The following SMC6 variants were observed in gnomAD, a reference collection of about 807,000 sequenced individuals.
SMC6 encodes structural maintenance of chromosomes protein 6.
A neutral mutation model predicts 142.2 loss-of-function variants in SMC6; 79 were observed. The observed-to-expected ratio is 0.56, with a 90% CI of 0.46 to 0.67. SMC6 has a LOEUF of 0.67. Among genes scored for constraint, SMC6 ranks in the 30% least tolerant of loss-of-function variants. SMC6 has a pLI of 0.00. For synonymous variants in SMC6, 411 were observed against 412.4 expected (o/e 1.00, Z 0.04); for missense variants, 1,072 against 1,284.0 (o/e 0.83, Z 2.52).
At chr2:17,696,883 C>G (rs1251806435) in intron 21 of SMC6, among the ~76,000 whole-genome samples, 1 of 151,880 alleles carries the variant, frequency 6.6e-6, no homozygotes, top group Non-Finnish European at 1.5e-5. Flanking sequence ...AGAAGCTATC[C>G]CAAGATCACT....
At position 17,716,656 on chromosome 2, in the gene SMC6, C is replaced by T. The variant is rs994684199; in HGVS notation, c.1346+85G>A. The T allele has an allele frequency of 6.2e-6, 8 of 1,289,542 alleles. No individual in the cohort carries two copies. The African/African-American group carries it at 7.5e-5, about 12-fold the overall frequency. The allele number at this position is 1,289,542 out of a possible 1,614,324, so 79.9% of individuals were successfully genotyped here. A position where few individuals can be genotyped will look rare whatever the true frequency, so the allele number is the denominator to read the frequency against. The stretch of plus-strand genomic sequence containing the variant: ...ATCCCTTATTATGTAGAAGAAACAA[C>T]CATATTTGCTCTCTTCATACAAGAA... On this transcript the variant is annotated intron_variant, in intron 14 of 27. Coordinates refer to ENST00000448223, the MANE Select transcript of SMC6 (RefSeq NM_001142286.2).
At chr2:17,687,726 T>A (rs1047096505) in intron 23 of SMC6, among the ~76,000 whole-genome samples, 15 of 152,276 alleles carry the variant, frequency 9.9e-5, no homozygotes, top group African/African-American at 3.4e-4. Context: ...TGTGAAACCA[T>A]GTTAATTTCT....
Position 17,745,943 on chromosome 2 carries a change from C to T in SMC6, c.4G>A (p.Ala2Thr). Reference protein sequence around the residue: MAKRKEENFSSP... With the variant: MTKRKEENFSSP... ...GAAAAATTTTCTTCCTTTCTTTTGG[C>T]CATCAGGTCTGAACAAATATTTATA... is the stretch of plus-strand genomic sequence containing the variant. Residue 2 changes from alanine (A) to threonine (T), a missense_variant, in exon 3 of 28, where the codon GCC (alanine) becomes ACC (threonine). By Grantham distance (58) the Ala-to-Thr change is moderately conservative (BLOSUM62 0). Coordinates refer to ENST00000448223, the MANE Select transcript of SMC6 (RefSeq NM_001142286.2). 1.2e-6 allele frequency: 2 copies of T among 1,603,602 alleles called. No individual in the cohort carries two copies. Among genetic ancestry groups the T allele is most frequent in the Non-Finnish European group, 8.5e-7 (1 of 1,174,754 alleles).
intron 2 of SMC6, among the ~76,000 whole-genome samples, chr2:17,749,277 T>C (rs1670901148): frequency 6.6e-6 from 1 of 152,226 alleles, no homozygotes; most frequent in Non-Finnish European, 1.5e-5. Context: ...GTCATAGTTT[T>C]TAATATTTCT....
At chr2:17,698,980 T>G (rs931534703) in intron 21 of SMC6, among the ~76,000 whole-genome samples, 4 of 152,136 alleles carry the variant, frequency 2.6e-5, no homozygotes, top group Non-Finnish European at 5.9e-5. Flanking sequence ...TTCCCCATTT[T>G]AAATATAATG....
At chr2:17,733,918 C>A (rs997400419) in intron 5 of SMC6, among the ~76,000 whole-genome samples, 5 of 152,186 alleles carry the variant, frequency 3.3e-5, no homozygotes, top group Non-Finnish European at 4.4e-5. Flanking sequence ...CAAAGACACA[C>A]AGCAACAAAG....
chr2:17,668,383 T>A (rs555661136), intron 26 of SMC6, among the ~76,000 whole-genome samples: 2 of 152,274 alleles, frequency 1.3e-5, no homozygotes, highest in South Asian at 4.1e-4. Flanking sequence ...AAATTCTGAT[T>A]CACGAATACA....
In SMC6 at chr2:17,745,880, A is replaced by G. The variant is rs905296623; in HGVS notation, c.67T>C (p.Leu23=). The G allele has an allele frequency of 5.6e-6, 9 of 1,612,754 alleles. No individual in the cohort carries two copies. In the East Asian group the frequency reaches 8.9e-5, roughly 16 times the overall value. ...KNAKRPRQEE[L]EDFDKDGDED... ...TCACCATCTTTATCAAAATCCTCCA[A>G]TTCTTCTTGTCTTGGCCTTTTGGCA... is the stretch of plus-strand genomic sequence containing the variant. The change falls in exon 3 of 28, where the codon TTG becomes CTG. Residue 23 remains leucine, a synonymous_variant. Transcript: ENST00000448223.
At chr2:17,743,188 A>G (rs774425046) in intron 3 of SMC6, among the ~76,000 whole-genome samples, 10 of 152,238 alleles carry the variant, frequency 6.6e-5, no homozygotes, top group Non-Finnish European at 5.9e-5. Context: ...ATTTTAGAAT[A>G]AAATATATAC....
chr2:17,680,669 G>GTAACATTT (rs1667200137), intron 24 of SMC6: 1 of 152,150 alleles, frequency 6.6e-6, no homozygotes. Flanking sequence ...TCAATGAGCA[G>GTAACATTT]TAACATTTTC....
intron 26 of SMC6, among the ~76,000 whole-genome samples, chr2:17,668,377 T>C (rs762710318): frequency 2.0e-5 from 3 of 152,152 alleles, no homozygotes; most frequent in Admixed American, 6.5e-5. Context: ...AGGTATAAAT[T>C]CTGATTCACG....
chr2:17,681,638 A>T (rs1161403968), intron 24 of SMC6: 1 of 152,250 alleles, frequency 6.6e-6, no homozygotes, highest in East Asian at 1.9e-4. Context: ...ATCAATAGCC[A>T]GTCAGTGGAG....
chr2:17,665,283 T>A lies in SMC6; in HGVS notation c.*216A>T, dbSNP rs1481723129. 1 of 347,970 alleles carries A rather than the reference T, an allele frequency of 2.9e-6. No individual in the cohort carries two copies. Among genetic ancestry groups the A allele is most frequent in the African/African-American group, 2.1e-5 (1 of 47,388 alleles). 21.6% of individuals were successfully genotyped at this position (347,970 alleles called of 1,614,324 possible). A position where few individuals can be genotyped will look rare whatever the true frequency, so the allele number is the denominator to read the frequency against. On this transcript the variant is annotated 3_prime_UTR_variant, in exon 28 of 28. Transcript: ENST00000448223. ...ACTTAAAAAGATTTAAAACCAATAC[T>A]ATGAAATTGATTTTCTTAAAGTAAT...
intron 21 of SMC6, among the ~76,000 whole-genome samples, chr2:17,699,882 C>A (rs1011365646): frequency 1.3e-5 from 2 of 151,714 alleles, no homozygotes; most frequent in African/African-American, 4.8e-5. Flanking sequence ...GCTGGGACAA[C>A]AAGCAAGCAC....
chr2:17,703,021 C>T (rs1668344369), intron 19 of SMC6, 136 bp downstream of exon 19: 1 of 456,268 alleles, frequency 2.2e-6, no homozygotes, highest in Non-Finnish European at 3.8e-6. Flanking sequence ...TAAATGAAAG[C>T]TCTTTGATGA....
At chr2:17,683,613 T>C (rs1295710100) in intron 24 of SMC6, 25 bp downstream of exon 24, 4 of 1,573,872 alleles carry the variant, frequency 2.5e-6, no homozygotes, top group Admixed American at 3.6e-5. Flanking sequence ...GTATAATATA[T>C]AGTAACATTT....
rs776209068 is a variant in SMC6, at chr2:17,716,686, A to C, written c.1346+55T>G. On this transcript the variant is annotated intron_variant, in intron 14 of 27. Transcript: ENST00000448223. ...TTTGCTCTCTTCATACAAGAACAAA[A>C]CTATATGATGTAAAAGTAATTGAAA... 3.9e-6 allele frequency: 6 copies of C among 1,534,276 alleles called. No individual in the cohort carries two copies. In the Admixed American group the frequency reaches 9.6e-5, roughly 25 times the overall value.
intron 14 of SMC6, among the ~76,000 whole-genome samples, 182 bp downstream of exon 14, chr2:17,716,559 G>T (rs1669095819): frequency 6.6e-6 from 1 of 152,200 alleles, no homozygotes; most frequent in African/African-American, 2.4e-5. Flanking sequence ...CCAGCTGGCT[G>T]TAGGTGCACT....
rs1280105990 is a variant in SMC6 at position 17,668,583 on chromosome 2, A to C, written c.3063+1840T>G. On this transcript the variant is annotated intron_variant, in intron 26 of 27. Coordinates refer to ENST00000448223, the MANE Select transcript of SMC6 (RefSeq NM_001142286.2). ...CATTTTTATATTTTTATCTTAAATA[A>C]AAGTATAAAAGTAATATATATTATG... is the stretch of plus-strand genomic sequence containing the variant. 2.6e-5 allele frequency among the ~76,000 whole-genome samples: 4 copies of C among 152,122 alleles called. No individual in the cohort carries two copies. The East Asian group carries it at 7.7e-4, about 29-fold the overall frequency.
Sources: gnomAD v4.1 joint callset for allele counts (sites outside exome capture counted in the v4.1 genomes callset) on GRCh38, gnomAD v4.1.1 for gene constraint, MANE v1.5 for transcripts, NCBI Gene and HGNC (gene_info 2026-07-23, HGNC 2026-07-21) for gene names.